The following TENM4 variants were observed in gnomAD, a reference collection of about 807,000 sequenced individuals.
TENM4 encodes the protein teneurin-4.
In TENM4, 82 loss-of-function variants were observed where a neutral mutation model predicts 243.3. That is an observed-to-expected ratio of 0.34 (90% confidence interval 0.28 to 0.40). TENM4 has a LOEUF of 0.40. Among genes scored for constraint, TENM4 ranks in the 10% least tolerant of loss-of-function variants. TENM4 has a pLI of 1.00. For synonymous variants in TENM4, 1,412 were observed against 1,456.3 expected, an observed-to-expected ratio of 0.97 and a Z score of 0.69; for missense variants, 3,138 against 3,673.3, an observed-to-expected ratio of 0.85 and a Z score of 3.77.
chr11:79,130,171 T>A (rs1056078490), intron 4 of TENM4, among the ~76,000 whole-genome samples: 3 of 152,126 alleles, frequency 2.0e-5, no homozygotes, highest in South Asian at 2.1e-4. Flanking sequence ...GGAGCGCACA[T>A]CCATAGGAAA....
chr11:78,658,364 G>C lies in TENM4; in HGVS notation c.8004C>G (p.Leu2668=), dbSNP rs1333766918. 6.2e-7 allele frequency: 1 copy of C among 1,613,992 alleles called. No individual in the cohort carries two copies. The change falls in exon 34 of 34, where the codon CTC becomes CTG. Residue 2668 remains leucine (L), a synonymous_variant. Transcript: ENST00000278550. ...TGTTCAAGCACAGTGCCCCGTACTG[G>C]AGCTGGATGTCTGTGTAGCGTCTAG... ...GRTRRYTDIQ[L]QYGALCLNTR...
At chr11:79,070,056 T>G in intron 4 of TENM4, 47 bp from the exon 5 acceptor site, 1 of 1,460,756 alleles carries the variant, frequency 6.8e-7, no homozygotes, top group Non-Finnish European at 9.0e-7. Flanking sequence ...CAGAGAACAT[T>G]CCCGGGTTCA....
At position 78,688,125 on chromosome 11, in the gene TENM4, G is replaced by A; in HGVS notation, c.5189C>T (p.Thr1730Ile). The A allele has an allele frequency of 6.2e-7, 1 of 1,613,944 alleles. No individual in the cohort carries two copies. The highest frequency in any genetic ancestry group is 8.5e-7 in the Non-Finnish European group (1 of 1,179,878). The change falls in exon 29 of 34, where the codon ACC (threonine) becomes ATC (isoleucine). Residue 1730 changes from threonine (T) to isoleucine (I), a missense_variant. Around this residue, in one of 2 missense-constraint regions of TENM4, gnomAD observed 2,467 missense variants for 3,059.1 expected, o/e 0.81. Transcript: ENST00000278550. ...TATGGTGACATCATCCTTGCTGGAGGTCTCTACCTGGACATGCACTGAACT... is the reference window on the plus strand; with the variant it reads ...TATGGTGACATCATCCTTGCTGGAGATCTCTACCTGGACATGCACTGAACT... ...TDSSVHVQVE[T>I]SSKDDVTITT... is the part of the protein sequence containing the mutation.
At chr11:78,961,246 C>T (rs1857313761) in intron 6 of TENM4, among the ~76,000 whole-genome samples, 1 of 152,202 alleles carries the variant, frequency 6.6e-6, no homozygotes, top group South Asian at 2.1e-4. Flanking sequence ...CCTCTCTTCT[C>T]CAAACATCAG....
At chr11:78,980,540 G>T (rs1206639590) in intron 6 of TENM4, among the ~76,000 whole-genome samples, 2 of 152,158 alleles carry the variant, frequency 1.3e-5, no homozygotes, top group Non-Finnish European at 2.9e-5. Flanking sequence ...TGAGCCCAAG[G>T]TCCTATAGGA....
intron 6 of TENM4, among the ~76,000 whole-genome samples, chr11:78,926,515 G>T (rs575917079): frequency 6.6e-6 from 1 of 151,840 alleles, no homozygotes; most frequent in Non-Finnish European, 1.5e-5. Context: ...CTCATGATCC[G>T]CCCGCCTCGG....
At chr11:78,989,640 C>T (rs1369276319) in intron 6 of TENM4, among the ~76,000 whole-genome samples, 3 of 152,212 alleles carry the variant, frequency 2.0e-5, no homozygotes, top group Admixed American at 6.5e-5. Flanking sequence ...AGTTCCTCTG[C>T]GCTAACTCAT....
intron 6 of TENM4, among the ~76,000 whole-genome samples, chr11:78,987,053 G>T (rs1251540309): frequency 1.3e-5 from 2 of 152,148 alleles, no homozygotes; most frequent in Non-Finnish European, 2.9e-5. Flanking sequence ...TACATTTTAG[G>T]TATAATAATA....
Position 78,884,519 on chromosome 11 carries a change from T to C in TENM4, c.1084+5266A>G, listed in dbSNP as rs1855508352. On this transcript the variant is annotated intron_variant, in intron 9 of 33. Transcript: ENST00000278550. ...TGGCCTTTGAAATCCCAAGTCTTGG[T>C]TGCATCCCAGCTATGTCATATACTG... 2.6e-5 allele frequency among the ~76,000 whole-genome samples: 4 copies of C among 152,210 alleles called. No homozygotes were observed. The South Asian group carries it at 8.3e-4, about 32-fold the overall frequency.
chr11:79,268,602 A>G (rs890234648), intron 2 of TENM4, among the ~76,000 whole-genome samples: 5 of 152,290 alleles, frequency 3.3e-5, no homozygotes, highest in African/African-American at 1.2e-4. Context: ...CCCCAAACCC[A>G]ACACTATCAT....
intron 4 of TENM4, among the ~76,000 whole-genome samples, chr11:79,095,075 T>A (rs1468739460): frequency 1.3e-5 from 2 of 152,098 alleles, no homozygotes; most frequent in East Asian, 3.9e-4. Context: ...CATTTTTGGC[T>A]CTGCCTGATA....
At chr11:79,142,039 T>A (rs1197275337) in intron 4 of TENM4, among the ~76,000 whole-genome samples, 1 of 151,998 alleles carries the variant, frequency 6.6e-6, no homozygotes, top group African/African-American at 2.4e-5. Context: ...TCATATTGAG[T>A]GGGGAAAAAC....
At chr11:79,094,283 G>T (rs1191260118) in intron 4 of TENM4, among the ~76,000 whole-genome samples, 2 of 152,232 alleles carry the variant, frequency 1.3e-5, no homozygotes, top group Non-Finnish European at 2.9e-5. Context: ...TCACTGTGCA[G>T]TATGCTTTAT....
At chr11:79,060,599 T>C (rs1860061729) in intron 6 of TENM4, among the ~76,000 whole-genome samples, 1 of 152,176 alleles carries the variant, frequency 6.6e-6, no homozygotes, top group Non-Finnish European at 1.5e-5. Flanking sequence ...TGGTTGCACA[T>C]TTTTGGTGGC....
chr11:78,723,068 C>A (rs1221706672), intron 23 of TENM4, among the ~76,000 whole-genome samples, 151 bp from the exon 24 acceptor site: 2 of 152,244 alleles, frequency 1.3e-5, no homozygotes, highest in African/African-American at 2.4e-5. Flanking sequence ...CTCACCCCCC[C>A]AATGGAACCC....
At chr11:78,914,239 T>A (rs1320841196) in intron 6 of TENM4, among the ~76,000 whole-genome samples, 1 of 152,206 alleles carries the variant, frequency 6.6e-6, no homozygotes, top group African/African-American at 2.4e-5. Context: ...CTGAGTCCCT[T>A]CCAGCCATTG....
In TENM4 at chr11:79,064,938, G is replaced by A; in HGVS notation, c.293C>T (p.Thr98Ile). 3 of 1,527,036 alleles carry A rather than the reference G, an allele frequency of 2.0e-6. No individual in the cohort carries two copies. The highest frequency in any genetic ancestry group is 2.7e-6 in the Non-Finnish European group (3 of 1,131,450). The allele number at this position is 1,527,036 out of a possible 1,614,324, so 94.6% of individuals were successfully genotyped here. ...VTPPHGTLYR[T>I]DIGLPHCGYS... Reference sequence around the variant, plus strand: ...GCCGCAGTGGGGGAGGCCAATGTCTGTCCGGTACAGGGTCCCGTGAGGGGG... The same window carrying A: ...GCCGCAGTGGGGGAGGCCAATGTCTATCCGGTACAGGGTCCCGTGAGGGGG... Residue 98 changes from threonine (T) to isoleucine (I), a missense_variant, in exon 6 of 34, where the codon ACA becomes ATA. Transcript: ENST00000278550.
chr11:79,436,879 A>G (rs1859282283), intron 1 of TENM4, among the ~76,000 whole-genome samples: 1 of 152,154 alleles, frequency 6.6e-6, no homozygotes, highest in African/African-American at 2.4e-5. Flanking sequence ...GCAATTCCAC[A>G]AGCCTTCCGC....
At chr11:79,054,163 C>T (rs910348558) in intron 6 of TENM4, among the ~76,000 whole-genome samples, 5 of 152,116 alleles carry the variant, frequency 3.3e-5, no homozygotes, top group East Asian at 1.9e-4. Context: ...AGTTACTCTA[C>T]GGCTTATTAA....
Sources: allele counts gnomAD v4.1 joint callset (sites outside exome capture counted in the v4.1 genomes callset), GRCh38; gene constraint gnomAD v4.1.1; regional missense constraint gnomAD v4.1.1; transcripts MANE v1.5; gene names NCBI Gene and HGNC (gene_info 2026-07-23, HGNC 2026-07-21).